The following SH3RF1 variants were observed in gnomAD, a reference collection of about 807,000 sequenced individuals.
SH3RF1 encodes E3 ubiquitin-protein ligase SH3RF1.
In SH3RF1, 32 loss-of-function variants were observed where a neutral mutation model predicts 74.0. That is an observed-to-expected ratio of 0.43 (90% CI 0.33 to 0.58). The LOEUF is 0.58. Among genes scored for constraint, SH3RF1 ranks in the 20% least tolerant of loss-of-function variants. The pLI is 0.05. For synonymous variants in SH3RF1, 396 were observed against 439.6 expected (o/e 0.90, Z 1.24); for missense variants, 954 against 1,130.9 (o/e 0.84, Z 2.24).
intron 10 of SH3RF1, among the ~76,000 whole-genome samples, chr4:169,115,205 A>ATTTTCT (rs1269431078): frequency 6.6e-6 from 1 of 152,174 alleles, no homozygotes; most frequent in Admixed American, 6.5e-5. Context: ...ATGTTTCCTT[A>ATTTTCT]TATTTCAAGT....
intron 2 of SH3RF1, among the ~76,000 whole-genome samples, chr4:169,177,883 A>G (rs1389881200): frequency 6.6e-6 from 1 of 152,098 alleles, no homozygotes; most frequent in Non-Finnish European, 1.5e-5. Context: ...CACGTTATAC[A>G]TACACATATA....
At chr4:169,215,962 C>T (rs1730455932) in intron 2 of SH3RF1, among the ~76,000 whole-genome samples, 1 of 152,034 alleles carries the variant, frequency 6.6e-6, no homozygotes, top group East Asian at 1.9e-4. Flanking sequence ...CACCACCATG[C>T]CTGGTTAATT....
At chr4:169,234,242 G>A (rs1453579810) in intron 2 of SH3RF1, among the ~76,000 whole-genome samples, 1 of 152,090 alleles carries the variant, frequency 6.6e-6, no homozygotes, top group Non-Finnish European at 1.5e-5. Flanking sequence ...CAGAAGGAAT[G>A]TACCACTGGC....
intron 2 of SH3RF1, among the ~76,000 whole-genome samples, chr4:169,266,326 A>T (rs780484262): frequency 4.0e-4 from 61 of 152,190 alleles, no homozygotes; most frequent in Non-Finnish European, 7.6e-4. Context: ...TTTGCACAAC[A>T]TATGGAAACA....
At position 169,228,928 on chromosome 4, in the gene SH3RF1, C is replaced by CA. The variant is rs1218828734; in HGVS notation, c.393+39891dup. On this transcript the variant is annotated intron_variant, in intron 2 of 11. Transcript: ENST00000284637. ...ATGTTAGAATTTTACTTTAAAAAAA[C>CA]AAAAAAAATTCTGTTCTTCGAAAAA... 3.5e-4 allele frequency among the ~76,000 whole-genome samples: 53 copies of CA among 151,578 alleles called. 1 individual carries two copies. The East Asian group carries it at 4.8e-3, about 14-fold the overall frequency.
chr4:169,244,713 A>G (rs1730965725), intron 2 of SH3RF1, among the ~76,000 whole-genome samples: 4 of 152,210 alleles, frequency 2.6e-5, no homozygotes, highest in Admixed American at 2.6e-4. Context: ...GAATTTTTTT[A>G]AATTGCGCAT....
At chr4:169,153,804 A>C (rs1734009783) in intron 4 of SH3RF1, among the ~76,000 whole-genome samples, 1 of 152,228 alleles carries the variant, frequency 6.6e-6, no homozygotes, top group Admixed American at 6.5e-5. Flanking sequence ...TTTGAAAGAA[A>C]AGAAGCAGAA....
chr4:169,120,967 T>C lies in SH3RF1; in HGVS notation c.1369A>G (p.Thr457Ala). The C allele has an allele frequency of 6.2e-7, 1 of 1,613,894 alleles. No individual in the cohort carries two copies. The highest frequency in any genetic ancestry group is 8.5e-7 in the Non-Finnish European group (1 of 1,179,796). Reference protein sequence around the residue: ...PSVYVAIYPYTPRKEDELELR... With the variant: ...PSVYVAIYPYAPRKEDELELR... The stretch of plus-strand genomic sequence containing the variant: ...TCTAGTTCATCCTCTTTCCGAGGAG[T>C]GTATGGATATATAGCAACATACCTA... Residue 457 changes from threonine to alanine, a missense_variant, in exon 8 of 12, where the codon ACT (threonine) becomes GCT (alanine). Physicochemically the swap from Thr to Ala is moderately conservative, Grantham distance 58 (BLOSUM62 0). Coordinates refer to ENST00000284637, the MANE Select transcript of SH3RF1 (RefSeq NM_020870.4).
At chr4:169,146,014 T>C (rs1216965635) in intron 4 of SH3RF1, among the ~76,000 whole-genome samples, 1 of 140,850 alleles carries the variant, frequency 7.1e-6, no homozygotes, top group Non-Finnish European at 1.5e-5. Context: ...CTATATATTC[T>C]ATATAAAATA....
chr4:169,259,661 C>T (rs927397072), intron 2 of SH3RF1, among the ~76,000 whole-genome samples: 4 of 152,054 alleles, frequency 2.6e-5, no homozygotes, highest in African/African-American at 9.7e-5. Context: ...ATAATAAAAG[C>T]TTTGGGAGGG....
chr4:169,259,541 G>A (rs143658922), intron 2 of SH3RF1, among the ~76,000 whole-genome samples: 1 of 152,244 alleles, frequency 6.6e-6, no homozygotes, highest in African/African-American at 2.4e-5. Context: ...GGATTGCAGA[G>A]CCACGAAAAA....
rs372228006 is a variant in SH3RF1, at chr4:169,122,191, C to T, written c.1255G>A (p.Ala419Thr). The T allele has an allele frequency of 7.0e-4, 1,127 of 1,613,502 alleles. 15 individuals carry two copies. In the South Asian group the frequency reaches 0.011, roughly 16 times the overall value. ...VLASTPPGAT[A>T]AAAAAGMGPR... ...CCCATTCCAGCAGCAGCAGCAGCGG[C>T]GGTGGCGCCTGGTGGTGTGGAGGCA... Residue 419 changes from alanine to threonine, a missense_variant, in exon 7 of 12, where the codon GCC becomes ACC. By Grantham distance (58) the Ala-to-Thr change is moderately conservative. This residue lies in a region of SH3RF1 where 854 missense variants were observed against 962.5 expected (regional missense o/e 0.89). Transcript: ENST00000284637.
chr4:169,177,116 A>G, intron 2 of SH3RF1, among the ~76,000 whole-genome samples: 1 of 152,164 alleles, frequency 6.6e-6, no homozygotes, highest in Non-Finnish European at 1.5e-5. Context: ...GGTTACTTAT[A>G]TTTGATGGAT....
chr4:169,164,074 A>C (rs1734193233), intron 2 of SH3RF1, among the ~76,000 whole-genome samples: 1 of 152,302 alleles, frequency 6.6e-6, no homozygotes, highest in South Asian at 2.1e-4. Flanking sequence ...ACCCAAGTCT[A>C]GAGAAGGTGC....
intron 4 of SH3RF1, among the ~76,000 whole-genome samples, chr4:169,145,495 C>T (rs1479956348): frequency 2.7e-5 from 4 of 150,336 alleles, no homozygotes; most frequent in Non-Finnish European, 5.9e-5. Context: ...CATTAAAAGC[C>T]CAAACCTCAC....
At chr4:169,128,170 T>C (rs915168678) in intron 6 of SH3RF1, among the ~76,000 whole-genome samples, 9 of 152,142 alleles carry the variant, frequency 5.9e-5, no homozygotes, top group Non-Finnish European at 1.3e-4. Flanking sequence ...CATCTGGAAA[T>C]GAAAATATCA....
intron 11 of SH3RF1, among the ~76,000 whole-genome samples, chr4:169,105,468 T>C (rs1341683403): frequency 6.6e-6 from 1 of 152,234 alleles, no homozygotes; most frequent in Non-Finnish European, 1.5e-5. Context: ...CCTTTTGTAA[T>C]AATTATTCAA....
intron 2 of SH3RF1, among the ~76,000 whole-genome samples, chr4:169,235,120 A>C (rs1000925314): frequency 8.5e-5 from 13 of 152,154 alleles, no homozygotes; most frequent in African/African-American, 3.1e-4. Flanking sequence ...TAAACCAACA[A>C]ATTCCTGTAT....
intron 2 of SH3RF1, among the ~76,000 whole-genome samples, chr4:169,249,900 T>A (rs1731070890): frequency 6.6e-6 from 1 of 152,246 alleles, no homozygotes; most frequent in African/African-American, 2.4e-5. Flanking sequence ...ACATTAATCA[T>A]CAGGCTCCAG....
Sources: allele counts gnomAD v4.1 joint callset (sites outside exome capture counted in the v4.1 genomes callset), GRCh38; gene constraint gnomAD v4.1.1; regional missense constraint gnomAD v4.1.1; transcripts MANE v1.5; gene names NCBI Gene and HGNC (gene_info 2026-07-23, HGNC 2026-07-21).